TENM3: variants seen among roughly 807,000 people sequenced by gnomAD.
The protein encoded by TENM3 is teneurin-3.
Under a neutral mutation model 255.1 loss-of-function variants are expected in TENM3, and 63 were observed. The ratio of observed to expected loss-of-function variants is 0.25; its 90% CI spans 0.20 to 0.30. TENM3 has a LOEUF of 0.30. TENM3 is among the 10% of genes least tolerant of loss of function. The probability of loss-of-function intolerance (pLI) is 1.00; values close to 1 mark genes in which losing one functional copy is unlikely to be tolerated. For synonymous variants in TENM3, 1,306 were observed against 1,322.3 expected (o/e 0.99, Z 0.27); for missense variants, 2,929 against 3,461.1 (o/e 0.85, Z 3.86).
At chr4:181,941,266 C>G in the TENM3 span, among the ~76,000 whole-genome samples, 1 of 151,954 alleles carries the variant, frequency 6.6e-6, no homozygotes, top group South Asian at 2.1e-4. Flanking sequence ...TCAATACCAC[C>G]TCTTCCTCAT....
In TENM3 at chr4:182,669,896, T is replaced by G. The variant is rs905449913; in HGVS notation, c.1112-3109T>G. ...TCCTCATCTCAAAATGATACCAACC[T>G]CTTGGGTGAAACTACCTGTCATATT... On this transcript the variant is annotated intron_variant, in intron 6 of 27. Transcript: ENST00000511685. Among the ~76,000 whole-genome samples, 4 of 152,272 alleles carry G rather than the reference T, an allele frequency of 2.6e-5. No homozygotes were observed. The East Asian group carries it at 7.7e-4, about 29-fold the overall frequency.
the TENM3 span, among the ~76,000 whole-genome samples, chr4:181,647,018 G>C: frequency 6.6e-6 from 1 of 152,224 alleles, no homozygotes; most frequent in African/African-American, 2.4e-5. Flanking sequence ...CATGAGTAAA[G>C]CGCCCCAAGA....
chr4:181,861,067 C>G, the TENM3 span, among the ~76,000 whole-genome samples: 1 of 152,146 alleles, frequency 6.6e-6, no homozygotes, highest in Non-Finnish European at 1.5e-5. Flanking sequence ...CCAGCGGTAT[C>G]TTTCTTAAGA....
At chr4:181,663,488 T>C in the TENM3 span, among the ~76,000 whole-genome samples, 2 of 152,168 alleles carry the variant, frequency 1.3e-5, no homozygotes, top group Non-Finnish European at 2.9e-5. Context: ...TTCTCATCAA[T>C]GACCTTATGT....
chr4:181,592,663 T>C, the TENM3 span, among the ~76,000 whole-genome samples: 1 of 42,508 alleles, frequency 2.4e-5, no homozygotes, highest in Non-Finnish European at 7.7e-5. Flanking sequence ...AAAATCTCTC[T>C]TTTTTTTTTT....
chr4:182,740,299 A>AGG (rs1440920890), intron 18 of TENM3, among the ~76,000 whole-genome samples: 5 of 152,224 alleles, frequency 3.3e-5, no homozygotes, highest in Non-Finnish European at 5.9e-5. Flanking sequence ...CTGACTAAGC[A>AGG]GGGGACTCCA....
At chr4:181,567,550 C>T in the TENM3 span, among the ~76,000 whole-genome samples, 1 of 152,032 alleles carries the variant, frequency 6.6e-6, no homozygotes, top group African/African-American at 2.4e-5. Context: ...ACCAAAACAC[C>T]AAAAGTGATT....
chr4:181,778,927 A>C, the TENM3 span, among the ~76,000 whole-genome samples: 3 of 152,110 alleles, frequency 2.0e-5, no homozygotes, highest in African/African-American at 7.2e-5. Flanking sequence ...TTATAATAGG[A>C]ATTAGGTCTT....
chr4:182,100,686 T>C, the TENM3 span, among the ~76,000 whole-genome samples: 7 of 77,252 alleles, frequency 9.1e-5, no homozygotes, highest in East Asian at 1.7e-3. Flanking sequence ...TATACACACA[T>C]ATATATACAC....
At chr4:182,485,385 A>G (rs1043219265) in intron 3 of TENM3, among the ~76,000 whole-genome samples, 20 of 152,138 alleles carry the variant, frequency 1.3e-4, no homozygotes, top group Non-Finnish European at 1.3e-4. Flanking sequence ...TTCAGACTCC[A>G]AAACAAAGGA....
intron 3 of TENM3, among the ~76,000 whole-genome samples, chr4:182,504,682 G>A (rs188842816): frequency 2.0e-5 from 3 of 152,320 alleles, no homozygotes; most frequent in African/African-American, 4.8e-5. Flanking sequence ...TATGGCGTTC[G>A]TAATTTGTAT....
the TENM3 span, among the ~76,000 whole-genome samples, chr4:181,531,154 G>C: frequency 6.6e-6 from 1 of 152,104 alleles, no homozygotes; most frequent in Non-Finnish European, 1.5e-5. Flanking sequence ...CTGTGGATTA[G>C]ATAGCAATCA....
At chr4:181,987,346 G>A in the TENM3 span, among the ~76,000 whole-genome samples, 1 of 152,090 alleles carries the variant, frequency 6.6e-6, no homozygotes, top group South Asian at 2.1e-4. Flanking sequence ...GAAAACCAAC[G>A]GAGCCCCTGA....
chr4:181,923,419 G>A, the TENM3 span, among the ~76,000 whole-genome samples: 2 of 152,100 alleles, frequency 1.3e-5, no homozygotes, highest in Non-Finnish European at 2.9e-5. Context: ...TTAAACTGTG[G>A]CCCTGTTGCC....
the TENM3 span, among the ~76,000 whole-genome samples, chr4:181,862,841 T>A: frequency 2.0e-5 from 3 of 152,112 alleles, no homozygotes; most frequent in African/African-American, 7.2e-5. Flanking sequence ...ACATGAAAGG[T>A]AACTCTAGTG....
intron 1 of TENM3, among the ~76,000 whole-genome samples, chr4:182,162,090 T>C (rs7672165): frequency 0.81 from 121,764 of 149,898 alleles, 50,077 homozygotes; most frequent in Admixed American, 0.89. Context: ...TGCTATGTTG[T>C]GCAGGCTGTC....
chr4:182,179,485 A>G (rs1250957144), intron 1 of TENM3, among the ~76,000 whole-genome samples: 1 of 152,250 alleles, frequency 6.6e-6, no homozygotes, highest in Non-Finnish European at 1.5e-5. Flanking sequence ...CTTAAAGGCA[A>G]TTTAAGAATC....
chr4:182,587,785 T>A (rs1037527331), intron 3 of TENM3, among the ~76,000 whole-genome samples: 5 of 152,204 alleles, frequency 3.3e-5, no homozygotes, highest in Admixed American at 3.3e-4. Flanking sequence ...TAAAAATTTT[T>A]TACATTAAAA....
At chr4:182,710,889 G>T (rs535023825) in intron 12 of TENM3, among the ~76,000 whole-genome samples, 61 of 152,308 alleles carry the variant, frequency 4.0e-4, no homozygotes, top group Middle Eastern at 3.4e-3. Context: ...CAAGTGGACA[G>T]GGGCAGGTAC....
Sources: allele counts gnomAD v4.1 joint callset (sites outside exome capture counted in the v4.1 genomes callset), GRCh38; gene constraint gnomAD v4.1.1; transcripts MANE v1.5; gene names NCBI Gene and HGNC (gene_info 2026-07-23, HGNC 2026-07-21).